The following AGBL4 variants were observed in gnomAD, a reference collection of about 807,000 sequenced individuals.
The protein encoded by AGBL4 is cytosolic carboxypeptidase 6.
Under a neutral mutation model 66.4 loss-of-function variants are expected in AGBL4, and 58 were observed. The ratio of observed to expected loss-of-function variants is 0.87; its 90% CI spans 0.71 to 1.09. The LOEUF (loss-of-function observed/expected upper bound fraction) is 1.09. Ranked by LOEUF, AGBL4 falls within the 50% of genes least tolerant of loss-of-function variation. AGBL4 has a pLI of 0.00. For synonymous variants in AGBL4, 234 were observed against 222.9 expected (o/e 1.05, Z -0.44); for missense variants, 579 against 631.0 (o/e 0.92, Z 0.88).
At chr1:48,840,447 T>G (rs367964434) in intron 6 of AGBL4, among the ~76,000 whole-genome samples, 1 of 152,186 alleles carries the variant, frequency 6.6e-6, no homozygotes, top group Non-Finnish European at 1.5e-5. Context: ...TTTAAATGAC[T>G]TAACATGCAT....
chr1:48,535,282 G>A lies in AGBL4; in HGVS notation c.1365-366C>T, dbSNP rs59850289. Among the ~76,000 whole-genome samples the A allele has an allele frequency of 5.3e-3, 805 of 152,204 alleles. 7 individuals carry two copies. Among genetic ancestry groups the A allele is most frequent in the African/African-American group, 0.018 (768 of 41,532 alleles). The stretch of plus-strand genomic sequence containing the variant: ...TCCCATACCTTTAGGCCTCTGCAGA[G>A]GCTGTTTCCTTCCCTACCTCTCTAG... On this transcript the variant is annotated intron_variant, in intron 12 of 13. Coordinates refer to ENST00000371839, the MANE Select transcript of AGBL4 (RefSeq NM_032785.4).
At chr1:48,584,801 C>A (rs750018760) in intron 11 of AGBL4, 13 of 152,186 alleles carry the variant, frequency 8.5e-5, no homozygotes, top group Non-Finnish European at 1.6e-4. Context: ...TGTGAGTTCC[C>A]TCTTTCCCCC....
chr1:48,839,447 A>G (rs1646751078), intron 6 of AGBL4, among the ~76,000 whole-genome samples: 1 of 152,166 alleles, frequency 6.6e-6, no homozygotes, highest in Non-Finnish European at 1.5e-5. Context: ...ACTGGAGGAC[A>G]TTAGGTTAAG....
At chr1:49,082,507 T>G (rs1026720975) in intron 4 of AGBL4, among the ~76,000 whole-genome samples, 2 of 152,272 alleles carry the variant, frequency 1.3e-5, no homozygotes, top group South Asian at 4.2e-4. Flanking sequence ...ACTGGGGAAC[T>G]CCCATGTATT....
chr1:48,613,131 C>T (rs1042361759), intron 9 of AGBL4, among the ~76,000 whole-genome samples: 2 of 149,264 alleles, frequency 1.3e-5, no homozygotes, highest in Admixed American at 6.6e-5. Flanking sequence ...AATACTCCGC[C>T]TCAAAAAAAA....
chr1:49,673,936 C>G (rs1646530571), intron 3 of AGBL4, among the ~76,000 whole-genome samples: 1 of 151,976 alleles, frequency 6.6e-6, no homozygotes, highest in South Asian at 2.1e-4. Flanking sequence ...GAGGTTATAT[C>G]TTGAAGCTGG....
intron 5 of AGBL4, among the ~76,000 whole-genome samples, chr1:48,871,817 TC>T (rs1648707595): frequency 6.6e-6 from 1 of 151,960 alleles, no homozygotes; most frequent in Admixed American, 6.6e-5. Flanking sequence ...TATCCATTAT[TC>T]CCCCATGCAT....
chr1:49,395,871 A>G (rs1393563455), intron 3 of AGBL4, among the ~76,000 whole-genome samples: 2 of 141,296 alleles, frequency 1.4e-5, no homozygotes, highest in African/African-American at 2.8e-5. Context: ...ATATATATAT[A>G]TATAGCCAGT....
chr1:48,847,399 C>CAAAAAAA (rs11413755), intron 6 of AGBL4, among the ~76,000 whole-genome samples: 1 of 126,166 alleles, frequency 7.9e-6, no homozygotes. Flanking sequence ...AGAAATGAGG[C>CAAAAAAA]AAAAAAAAAA....
chr1:49,126,944 T>C lies in AGBL4; in HGVS notation c.378-81144A>G, dbSNP rs567006. ...CTATAGATTCTGTCATAAAAGACCC[T>C]AGACAGTTTTAGCCATAGTATATCA... On this transcript the variant is annotated intron_variant, in intron 4 of 13. Transcript: ENST00000371839. 3.0e-3 allele frequency among the ~76,000 whole-genome samples: 454 copies of C among 152,224 alleles called. 2 individuals are homozygous for C. The highest frequency in any genetic ancestry group is 0.01 in the African/African-American group (432 of 41,560).
At chr1:48,800,447 C>A (rs1645784064) in intron 6 of AGBL4, among the ~76,000 whole-genome samples, 1 of 152,038 alleles carries the variant, frequency 6.6e-6, no homozygotes, top group African/African-American at 2.4e-5. Context: ...TTCAAAGAAC[C>A]AGCTTTTTGT....
intron 3 of AGBL4, among the ~76,000 whole-genome samples, chr1:49,521,904 C>T (rs1191561757): frequency 3.8e-5 from 4 of 105,298 alleles, no homozygotes; most frequent in African/African-American, 5.6e-5. Flanking sequence ...ACATTGGAAA[C>T]TATTAGAGGG....
chr1:49,697,514 G>T, intron 2 of AGBL4, 77 bp from the exon 3 acceptor site: 1 of 1,182,030 alleles, frequency 8.5e-7, no homozygotes, highest in Non-Finnish European at 1.2e-6. Flanking sequence ...TAAATATTAT[G>T]CTCTCTGATA....
chr1:49,445,722 A>C (rs1373254766), intron 3 of AGBL4, among the ~76,000 whole-genome samples: 2 of 152,072 alleles, frequency 1.3e-5, no homozygotes, highest in East Asian at 3.8e-4. Context: ...GTTCTTTTTA[A>C]AAATACCTAT....
intron 2 of AGBL4, among the ~76,000 whole-genome samples, chr1:49,740,352 A>G (rs541923967): frequency 6.6e-6 from 1 of 152,342 alleles, no homozygotes; most frequent in South Asian, 2.1e-4. Context: ...AGAGCTAACT[A>G]TCCTAAATAT....
intron 11 of AGBL4, among the ~76,000 whole-genome samples, chr1:48,558,274 C>T (rs578142940): frequency 6.6e-6 from 1 of 152,342 alleles, no homozygotes; most frequent in South Asian, 2.1e-4. Flanking sequence ...CTTAACTTGA[C>T]AGTGCATCAG....
chr1:49,349,875 G>A (rs1352713766), intron 3 of AGBL4, among the ~76,000 whole-genome samples: 1 of 152,142 alleles, frequency 6.6e-6, no homozygotes, highest in East Asian at 1.9e-4. Flanking sequence ...ACACAGATAC[G>A]CATGTGCACA....
intron 1 of AGBL4, among the ~76,000 whole-genome samples, chr1:49,980,080 G>T (rs907104143): frequency 1.3e-5 from 2 of 151,980 alleles, no homozygotes. Flanking sequence ...TACAAAATAT[G>T]TGTTAATTGA....
At chr1:49,273,695 G>A (rs906661669) in intron 3 of AGBL4, among the ~76,000 whole-genome samples, 6 of 150,360 alleles carry the variant, frequency 4.0e-5, no homozygotes, top group Admixed American at 2.0e-4. Context: ...TTTATTTTTC[G>A]AGATGGAGTC....
Sources: gnomAD v4.1 joint callset for allele counts (sites outside exome capture counted in the v4.1 genomes callset) on GRCh38, gnomAD v4.1.1 for gene constraint, MANE v1.5 for transcripts, NCBI Gene and HGNC (gene_info 2026-07-23, HGNC 2026-07-21) for gene names.